Variants in SLC8A1 observed in about 807,000 individuals in gnomAD.
The protein encoded by SLC8A1 is sodium/calcium exchanger 1.
Under a neutral mutation model 68.3 loss-of-function variants are expected in SLC8A1, and 18 were observed. That is an observed-to-expected ratio of 0.26 (90% CI 0.18 to 0.39). The LOEUF (loss-of-function observed/expected upper bound fraction) is 0.39, where lower values mean the gene tolerates loss of function less well. Among genes scored for constraint, SLC8A1 ranks in the 10% least tolerant of loss-of-function variants. The pLI is 1.00. For synonymous variants in SLC8A1, 475 were observed against 415.5 expected, an observed-to-expected ratio of 1.14 and a Z score of -1.74; for missense variants, 985 against 1,156.7, an observed-to-expected ratio of 0.85 and a Z score of 2.15.
chr2:40,171,328 T>C (rs1331601343), intron 4 of SLC8A1, among the ~76,000 whole-genome samples: 1 of 152,242 alleles, frequency 6.6e-6, no homozygotes, highest in Non-Finnish European at 1.5e-5. Context: ...GTGCTGAGCA[T>C]AATAGGATTA....
At chr2:40,221,143 G>T (rs1465011543) in intron 2 of SLC8A1, among the ~76,000 whole-genome samples, 2 of 152,132 alleles carry the variant, frequency 1.3e-5, no homozygotes, top group African/African-American at 2.4e-5. Flanking sequence ...TAAAATACTG[G>T]CAACCTGAAT....
chr2:40,435,933 T>C (rs148094239), intron 1 of SLC8A1, among the ~76,000 whole-genome samples: 231 of 150,618 alleles, frequency 1.5e-3, no homozygotes, highest in African/African-American at 4.1e-3. Context: ...CTGCCAACCA[T>C]GCTCGGCTAT....
chr2:40,305,819 A>G (rs1471112548), intron 2 of SLC8A1, among the ~76,000 whole-genome samples: 3 of 152,230 alleles, frequency 2.0e-5, no homozygotes, highest in Non-Finnish European at 4.4e-5. Flanking sequence ...AGACATTTGT[A>G]AGAAAATAAG....
At chr2:40,305,658 C>A (rs572483608) in intron 2 of SLC8A1, among the ~76,000 whole-genome samples, 2 of 152,238 alleles carry the variant, frequency 1.3e-5, no homozygotes, top group African/African-American at 4.8e-5. Context: ...TAACAGTTTA[C>A]CTTTCTGACT....
chr2:40,330,227 C>A (rs1008931073), intron 2 of SLC8A1, among the ~76,000 whole-genome samples: 2 of 152,032 alleles, frequency 1.3e-5, no homozygotes, highest in African/African-American at 4.8e-5. Context: ...ATAGTAGAGG[C>A]AGGATGATAG....
At chr2:40,327,376 C>T (rs899837214) in intron 2 of SLC8A1, among the ~76,000 whole-genome samples, 14 of 152,110 alleles carry the variant, frequency 9.2e-5, no homozygotes, top group African/African-American at 3.4e-4. Context: ...TCACATTATT[C>T]CCCTAGAATA....
At chr2:40,424,838 A>G (rs1232685409) in intron 2 of SLC8A1, among the ~76,000 whole-genome samples, 2 of 151,876 alleles carry the variant, frequency 1.3e-5, no homozygotes, top group Admixed American at 1.3e-4. Context: ...ATTAAATTTG[A>G]TTTGTATCTA....
intron 2 of SLC8A1, among the ~76,000 whole-genome samples, chr2:40,252,478 G>A (rs538703257): frequency 4.6e-5 from 7 of 152,122 alleles, no homozygotes; most frequent in South Asian, 2.1e-4. Flanking sequence ...GATGACAGGC[G>A]CCCGCCACCA....
chr2:40,177,590 C>T (rs1338350728), intron 3 of SLC8A1, among the ~76,000 whole-genome samples: 1 of 152,012 alleles, frequency 6.6e-6, no homozygotes, highest in East Asian at 1.9e-4. Flanking sequence ...GCCTGTTGCA[C>T]TTGTGAATTA....
At chr2:40,133,712 C>A (rs115523221) in intron 7 of SLC8A1, among the ~76,000 whole-genome samples, 7 of 56,896 alleles carry the variant, frequency 1.2e-4, no homozygotes, top group East Asian at 1.3e-3. Flanking sequence ...CCCCCCCCCC[C>A]ACCGACTCAT....
At chr2:40,250,397 C>T (rs868717966) in intron 2 of SLC8A1, 11 of 152,208 alleles carry the variant, frequency 7.2e-5, no homozygotes, top group African/African-American at 2.4e-4. Context: ...AATAGATTAT[C>T]CAACTTAATT....
chr2:40,210,991 C>A (rs576609590), intron 2 of SLC8A1, among the ~76,000 whole-genome samples: 5 of 152,238 alleles, frequency 3.3e-5, no homozygotes, highest in African/African-American at 1.2e-4. Flanking sequence ...TCAAGACCCT[C>A]ATTTTCTAGT....
At chr2:40,448,269 G>C (rs1222051878) in intron 1 of SLC8A1, among the ~76,000 whole-genome samples, 1 of 152,106 alleles carries the variant, frequency 6.6e-6, no homozygotes, top group Non-Finnish European at 1.5e-5. Flanking sequence ...GTGACAGAGT[G>C]GGGAGGCCAG....
At position 40,235,081 on chromosome 2, in the gene SLC8A1, T is replaced by C. The variant is rs1322271848; in HGVS notation, c.1809-57226A>G. ...TTCTCTTTTTTGGTTGTGTCTCTGCTTGGCTTTGGTATCAGAATGATGCTG... is the reference window on the plus strand; with the variant it reads ...TTCTCTTTTTTGGTTGTGTCTCTGCCTGGCTTTGGTATCAGAATGATGCTG... On this transcript the variant is annotated intron_variant, in intron 2 of 7. Transcript: ENST00000406785. Among the ~76,000 whole-genome samples the C allele has an allele frequency of 5.3e-5, 8 of 152,096 alleles. No individual in the cohort carries two copies. The East Asian group carries it at 1.2e-3, about 22-fold the overall frequency.
intron 7 of SLC8A1, among the ~76,000 whole-genome samples, chr2:40,138,689 G>A (rs2040989029): frequency 6.6e-6 from 1 of 152,114 alleles, no homozygotes; most frequent in Non-Finnish European, 1.5e-5. Context: ...AAGCTCTCAG[G>A]TAATTCTGAT....
At chr2:40,234,145 G>A (rs1481141969) in intron 2 of SLC8A1, among the ~76,000 whole-genome samples, 2 of 152,186 alleles carry the variant, frequency 1.3e-5, no homozygotes, top group African/African-American at 4.8e-5. Flanking sequence ...GAGAGGCATT[G>A]GTGGCTTGAT....
chr2:40,176,004 C>A, intron 3 of SLC8A1: 1 of 446,122 alleles, frequency 2.2e-6, no homozygotes, highest in Non-Finnish European at 4.5e-6. Flanking sequence ...ACATATCATC[C>A]CAGGAAACTG....
chr2:40,502,889 C>T (rs577604975), intron 1 of SLC8A1, among the ~76,000 whole-genome samples: 8 of 152,044 alleles, frequency 5.3e-5, no homozygotes, highest in African/African-American at 1.4e-4. Context: ...TTCTCATCAT[C>T]GCCTCTTCAA....
chr2:40,432,452 GCA>G (rs1472914619), intron 1 of SLC8A1, among the ~76,000 whole-genome samples: 2 of 113,048 alleles, frequency 1.8e-5, no homozygotes, highest in Admixed American at 9.1e-5. Flanking sequence ...CACGTGGGAT[GCA>G]TGATTTCATA....
Sources: allele counts gnomAD v4.1 joint callset (sites outside exome capture counted in the v4.1 genomes callset), GRCh38; gene constraint gnomAD v4.1.1; transcripts MANE v1.5; gene names NCBI Gene and HGNC (gene_info 2026-07-23, HGNC 2026-07-21).